Variants in CHST11 observed in about 807,000 individuals in gnomAD.
CHST11 encodes carbohydrate sulfotransferase 11.
A neutral mutation model predicts 30.4 loss-of-function variants in CHST11; 9 were observed. The observed-to-expected ratio is 0.30, with a 90% CI of 0.18 to 0.52. The LOEUF (loss-of-function observed/expected upper bound fraction) is 0.52. Among genes scored for constraint, CHST11 ranks in the 20% least tolerant of loss-of-function variants. The probability of loss-of-function intolerance (pLI) is 0.97; values close to 1 mark genes in which losing one functional copy is unlikely to be tolerated. For missense variants in CHST11, 348 were observed against 460.6 expected (o/e 0.76, Z 2.24); for synonymous variants, 152 against 187.8 (o/e 0.81, Z 1.56).
At chr12:104,588,244 C>T (rs1704892) in intron 1 of CHST11, among the ~76,000 whole-genome samples, 131,751 of 152,182 alleles carry the variant, frequency 0.87, 57,259 homozygotes, top group East Asian at 1. Flanking sequence ...TTTATTGTCA[C>T]TTGCCATCCC....
intron 1 of CHST11, among the ~76,000 whole-genome samples, chr12:104,503,015 G>A (rs1442184225): frequency 2.6e-5 from 4 of 152,218 alleles, no homozygotes; most frequent in Non-Finnish European, 5.9e-5. Context: ...GCTGGCCTGA[G>A]GCCACACTTT....
At chr12:104,575,236 AC>A (rs1356560038) in intron 1 of CHST11, among the ~76,000 whole-genome samples, 1 of 151,984 alleles carries the variant, frequency 6.6e-6, no homozygotes, top group African/African-American at 2.4e-5. Context: ...ACAGGCATAA[AC>A]TGGGATGATC....
intron 1 of CHST11, among the ~76,000 whole-genome samples, chr12:104,568,013 T>C (rs1221211926): frequency 6.6e-6 from 1 of 152,176 alleles, no homozygotes; most frequent in Non-Finnish European, 1.5e-5. Context: ...TATTTTGTTA[T>C]AGCAGCAGGA....
Position 104,676,380 on chromosome 12 carries a change from C to CTAA in CHST11, c.204+74390_204+74391insAAT, listed in dbSNP as rs2039743515. ...GGCTCATGGCCGCATCTCCTCAACT[C>CTAA]TGCTTCCATTGTCACATCTTTTCTG... On this transcript the variant is annotated intron_variant, in intron 2 of 2. Transcript: ENST00000303694. This position sits in a 1 kb window ranked among gnomAD's most constrained non-coding sequence, Gnocchi z 4.4. 6.6e-6 allele frequency among the ~76,000 whole-genome samples: 1 copy of CTAA among 152,196 alleles called. No individual in the cohort carries two copies. The highest frequency in any genetic ancestry group is 2.1e-4 in the South Asian group (1 of 4,832).
intron 1 of CHST11, among the ~76,000 whole-genome samples, chr12:104,492,749 T>A (rs1186586587): frequency 2.0e-5 from 3 of 152,184 alleles, no homozygotes; most frequent in Non-Finnish European, 4.4e-5. Context: ...GAATCCAGGA[T>A]GTGTCCGGGT....
intron 2 of CHST11, among the ~76,000 whole-genome samples, chr12:104,693,788 G>A (rs2039920045): frequency 6.6e-6 from 1 of 152,166 alleles, no homozygotes; most frequent in Non-Finnish European, 1.5e-5. Flanking sequence ...TGAGAGCTGA[G>A]ATGGAATGGA....
chr12:104,755,563 A>G (rs1384502591), intron 2 of CHST11, among the ~76,000 whole-genome samples: 1 of 152,116 alleles, frequency 6.6e-6, no homozygotes, highest in East Asian at 1.9e-4. Flanking sequence ...AGGCTGGCCA[A>G]TCACCTGAGG....
At position 104,569,391 on chromosome 12, in the gene CHST11, G is replaced by A. The variant is rs1014611918; in HGVS notation, c.119-32515G>A. On this transcript the variant is annotated intron_variant, in intron 1 of 2. Coordinates refer to ENST00000303694, the MANE Select transcript of CHST11 (RefSeq NM_018413.6). The stretch of plus-strand genomic sequence containing the variant: ...ACCAGATACATTTGTTCAAAGGAAC[G>A]ATCCTCAGGATTTGTGGACAGTTCA... Among the ~76,000 whole-genome samples the A allele has an allele frequency of 9.9e-5, 15 of 152,140 alleles. 1 individual carries two copies. The highest frequency in any genetic ancestry group is 4.1e-4 in the South Asian group (2 of 4,834).
intron 2 of CHST11, among the ~76,000 whole-genome samples, chr12:104,689,291 A>G (rs58731514): frequency 0.018 from 2,669 of 152,336 alleles, 41 homozygotes; most frequent in East Asian, 0.065. Flanking sequence ...CTGCCTCCTC[A>G]GGTGGACATG....
chr12:104,477,863 G>T lies in CHST11; in HGVS notation c.118+20334G>T, dbSNP rs1201599417. Among the ~76,000 whole-genome samples the T allele has an allele frequency of 7.2e-5, 11 of 152,350 alleles. No homozygotes were observed. The South Asian group carries it at 1.4e-3, about 20-fold the overall frequency. ...TGCTCTGCAGTTGGAAAGACACAAT[G>T]ATAGCTCTAGGAGGCATTGTGCACT... is the stretch of plus-strand genomic sequence containing the variant. On this transcript the variant is annotated intron_variant, in intron 1 of 2. Coordinates refer to ENST00000303694, the MANE Select transcript of CHST11 (RefSeq NM_018413.6).
intron 2 of CHST11, among the ~76,000 whole-genome samples, chr12:104,697,558 C>G (rs1417410704): frequency 6.6e-6 from 1 of 152,154 alleles, no homozygotes; most frequent in African/African-American, 2.4e-5. Context: ...TTCACAGCCT[C>G]CATAATCACA....
rs965164005 is a variant in CHST11 at position 104,590,039 on chromosome 12, G to A, written c.119-11867G>A. Among the ~76,000 whole-genome samples, 10 of 117,876 alleles carry A rather than the reference G, an allele frequency of 8.5e-5. No homozygotes were observed. The East Asian group carries it at 1.4e-3, about 17-fold the overall frequency. The allele number at this position is 117,876 out of a possible 152,430, so 77.3% of individuals were successfully genotyped here. On this transcript the variant is annotated intron_variant, in intron 1 of 2. Coordinates refer to ENST00000303694, the MANE Select transcript of CHST11 (RefSeq NM_018413.6). Reference sequence around the variant, plus strand: ...TAAATAAATAAATAAATAAATAAATGAAGATGCCTCACCCTAGCTGGCCCG... The same window carrying A: ...TAAATAAATAAATAAATAAATAAATAAAGATGCCTCACCCTAGCTGGCCCG...
At chr12:104,671,528 C>T (rs1355817466) in intron 2 of CHST11, among the ~76,000 whole-genome samples, 2 of 152,246 alleles carry the variant, frequency 1.3e-5, no homozygotes, top group South Asian at 2.1e-4. Flanking sequence ...GCACTGTGAT[C>T]GGTCTAGGAA....
At chr12:104,697,891 A>T (rs770956604) in intron 2 of CHST11, among the ~76,000 whole-genome samples, 25 of 152,156 alleles carry the variant, frequency 1.6e-4, no homozygotes, top group Non-Finnish European at 3.2e-4. Flanking sequence ...TTTGCCAAGT[A>T]AAGGGCGACT....
intron 2 of CHST11, among the ~76,000 whole-genome samples, chr12:104,645,589 G>T (rs1190799126): frequency 6.6e-6 from 1 of 152,112 alleles, no homozygotes; most frequent in Non-Finnish European, 1.5e-5. Context: ...GCTCTGGGGG[G>T]CCCTTCCCAC....
At chr12:104,683,044 C>T (rs1333925826) in intron 2 of CHST11, among the ~76,000 whole-genome samples, 3 of 152,146 alleles carry the variant, frequency 2.0e-5, no homozygotes, top group Admixed American at 1.3e-4. Flanking sequence ...ATGTACAAAC[C>T]TCAAAAGGGA....
At chr12:104,682,055 G>A (rs1318451171) in intron 2 of CHST11, among the ~76,000 whole-genome samples, 2 of 151,962 alleles carry the variant, frequency 1.3e-5, no homozygotes, top group African/African-American at 4.8e-5. Flanking sequence ...AGATGGTCTC[G>A]ATCTCCTGAC....
intron 1 of CHST11, among the ~76,000 whole-genome samples, chr12:104,494,121 T>C (rs1473612743): frequency 6.6e-6 from 1 of 152,202 alleles, no homozygotes; most frequent in Non-Finnish European, 1.5e-5. Flanking sequence ...AAGATGTCTG[T>C]ATGTGAAGCC....
At chr12:104,541,126 T>A (rs112751607) in intron 1 of CHST11, among the ~76,000 whole-genome samples, 16,298 of 130,446 alleles carry the variant, frequency 0.12, 893 homozygotes, top group Middle Eastern at 0.16. Flanking sequence ...TCTCTCTCTC[T>A]CTCTCACACA....
Sources: gnomAD v4.1 joint callset for allele counts (sites outside exome capture counted in the v4.1 genomes callset) on GRCh38, gnomAD v4.1.1 for gene constraint, Gnocchi (gnomAD v3.1) non-coding constraint, MANE v1.5 for transcripts, NCBI Gene and HGNC (gene_info 2026-07-23, HGNC 2026-07-21) for gene names.